ASTN2: variants seen among roughly 807,000 people sequenced by gnomAD.
ASTN2 encodes astrotactin 2, also known as astrotactin-2.
ASTN2 carries 54 observed loss-of-function variants against 139.8 expected under a neutral mutation model. The observed-to-expected ratio is 0.39, with a 90% CI of 0.31 to 0.48. The LOEUF is 0.48. ASTN2 is among the 20% of genes least tolerant of loss of function. The pLI, the probability that ASTN2 is intolerant of heterozygous loss-of-function variation, is 0.95. For missense variants in ASTN2, 1,565 were observed against 1,725.1 expected (o/e 0.91, Z 1.64); for synonymous variants, 756 against 719.5 (o/e 1.05, Z -0.81).
At chr9:116,579,053 A>G (rs911257933) in intron 19 of ASTN2, 9 of 148,092 alleles carry the variant, frequency 6.1e-5, no homozygotes, top group African/African-American at 2.3e-4. Flanking sequence ...AGTCGAAAGG[A>G]AAAAAAAAAG....
chr9:116,720,079 T>A (rs1162774405), intron 16 of ASTN2, among the ~76,000 whole-genome samples: 2 of 152,070 alleles, frequency 1.3e-5, no homozygotes, highest in East Asian at 3.9e-4. Flanking sequence ...CTTGGCCACA[T>A]CTGTCCTCAA....
chr9:116,479,905 A>C (rs1428200572), intron 20 of ASTN2, among the ~76,000 whole-genome samples: 1 of 152,106 alleles, frequency 6.6e-6, no homozygotes, highest in Non-Finnish European at 1.5e-5. Flanking sequence ...AGTGGAGATA[A>C]ACTGGTTGGA....
chr9:116,539,413 A>G (rs1851785832), intron 19 of ASTN2, among the ~76,000 whole-genome samples: 1 of 152,212 alleles, frequency 6.6e-6, no homozygotes, highest in Non-Finnish European at 1.5e-5. Flanking sequence ...AACATTACTA[A>G]CTGTCTGGCT....
At chr9:117,355,768 T>C (rs1302627926) in intron 1 of ASTN2, among the ~76,000 whole-genome samples, 1 of 152,188 alleles carries the variant, frequency 6.6e-6, no homozygotes, top group African/African-American at 2.4e-5. Flanking sequence ...TGGCTACCTC[T>C]GAGCATCTGG....
chr9:116,670,878 T>C (rs1859155976), intron 16 of ASTN2, among the ~76,000 whole-genome samples: 1 of 152,154 alleles, frequency 6.6e-6, no homozygotes. Context: ...TTCAAACCAT[T>C]ACAAATTGGA....
intron 16 of ASTN2, among the ~76,000 whole-genome samples, chr9:116,684,582 A>ATAGATGAGAGTACTAATGTTT (rs1330344228): frequency 6.6e-6 from 1 of 152,194 alleles, no homozygotes; most frequent in African/African-American, 2.4e-5. Context: ...TACTAAAACT[A>ATAGATGAGAGTACTAATGTTT]TAGATGAGAG....
intron 1 of ASTN2, among the ~76,000 whole-genome samples, chr9:117,356,883 T>G (rs186701194): frequency 6.6e-6 from 1 of 151,884 alleles, no homozygotes; most frequent in Non-Finnish European, 1.5e-5. Flanking sequence ...GCCAACATGG[T>G]GAAACCCTGT....
chr9:116,749,137 C>T (rs1354844959), intron 13 of ASTN2, among the ~76,000 whole-genome samples: 1 of 152,092 alleles, frequency 6.6e-6, no homozygotes, highest in African/African-American at 2.4e-5. Flanking sequence ...GCCTCACATA[C>T]TTGCTGTAAA....
intron 10 of ASTN2, among the ~76,000 whole-genome samples, chr9:116,895,950 A>T (rs1187325652): frequency 1.3e-5 from 2 of 152,232 alleles, no homozygotes; most frequent in Non-Finnish European, 2.9e-5. Context: ...AGACCAATTG[A>T]TTTTTAAAAA....
intron 15 of ASTN2, among the ~76,000 whole-genome samples, chr9:116,728,577 A>G (rs1811614235): frequency 6.6e-6 from 1 of 152,204 alleles, no homozygotes; most frequent in Non-Finnish European, 1.5e-5. Flanking sequence ...GGAGATGGAC[A>G]GGAAAATAAA....
intron 7 of ASTN2, among the ~76,000 whole-genome samples, chr9:117,006,154 A>ATTTG (rs1837348630): frequency 6.6e-6 from 1 of 152,128 alleles, no homozygotes; most frequent in Non-Finnish European, 1.5e-5. Context: ...ACCCACACCC[A>ATTTG]GCCCCACTTT....
chr9:117,299,586 G>A (rs1334827547), intron 1 of ASTN2, among the ~76,000 whole-genome samples: 2 of 152,172 alleles, frequency 1.3e-5, no homozygotes, highest in Non-Finnish European at 2.9e-5. Flanking sequence ...ATACAGTGGG[G>A]GGAACCGGTA....
At chr9:116,641,801 T>A (rs564589978) in intron 17 of ASTN2, among the ~76,000 whole-genome samples, 1 of 152,144 alleles carries the variant, frequency 6.6e-6, no homozygotes, top group Non-Finnish European at 1.5e-5. Context: ...TCTTTTGTAA[T>A]TGACCATGAG....
In ASTN2 at chr9:117,117,893, G is replaced by A. The variant is rs553311911; in HGVS notation, c.1169-21742C>T. 2.0e-5 allele frequency among the ~76,000 whole-genome samples: 3 copies of A among 152,224 alleles called. No homozygotes were observed. The East Asian group carries it at 5.8e-4, about 30-fold the overall frequency. On this transcript the variant is annotated intron_variant, in intron 4 of 22. Transcript: ENST00000313400. ...AGGGTGAACTTCGCAGGCTCTGGGG[G>A]TAAGAGCCACCCAAAGGCCCCTGCG...
At chr9:116,846,566 A>G (rs1832437705) in intron 11 of ASTN2, among the ~76,000 whole-genome samples, 1 of 152,198 alleles carries the variant, frequency 6.6e-6, no homozygotes, top group African/African-American at 2.4e-5. Context: ...GTTTGCTCAC[A>G]CACACTGATC....
At chr9:116,578,364 C>A (rs58653571) in intron 19 of ASTN2, among the ~76,000 whole-genome samples, 24,579 of 152,032 alleles carry the variant, frequency 0.16, 2,176 homozygotes, top group African/African-American at 0.22. Context: ...GAACTACTCA[C>A]GTCCTTTTTT....
At position 116,746,083 on chromosome 9, in the gene ASTN2, CT is replaced by C. The variant is rs745554164; in HGVS notation, c.2397-12561del. Among the ~76,000 whole-genome samples, 1,009 of 124,260 alleles carry C rather than the reference CT, an allele frequency of 8.1e-3. 14 individuals are homozygous for C. The East Asian group carries it at 0.11, about 13-fold the overall frequency. The allele number at this position is 124,260 out of a possible 152,430, so 81.5% of individuals were successfully genotyped here. Reference sequence around the variant, plus strand: ...AAAGCCAGCCAAGGCAAACTGAGTACTTTTTTTTTTTTTTTTTTTTTGAGAC... The same window carrying C: ...AAAGCCAGCCAAGGCAAACTGAGTACTTTTTTTTTTTTTTTTTTTTGAGAC... On this transcript the variant is annotated intron_variant, in intron 13 of 22. Transcript: ENST00000313400.
At chr9:117,249,742 G>A (rs747656970) in intron 2 of ASTN2, among the ~76,000 whole-genome samples, 2 of 151,318 alleles carry the variant, frequency 1.3e-5, no homozygotes, top group Non-Finnish European at 2.9e-5. Context: ...CCAGATTTAA[G>A]AGGGCACTTA....
intron 3 of ASTN2, among the ~76,000 whole-genome samples, chr9:117,166,740 C>T (rs887081697): frequency 1.3e-5 from 2 of 152,112 alleles, no homozygotes; most frequent in African/African-American, 4.8e-5. Context: ...ATGGCAGCAT[C>T]TAATTATTCC....
Sources: allele counts gnomAD v4.1 joint callset (sites outside exome capture counted in the v4.1 genomes callset), GRCh38; gene constraint gnomAD v4.1.1; transcripts MANE v1.5; gene names NCBI Gene and HGNC (gene_info 2026-07-23, HGNC 2026-07-21).